The following ADCY2 variants were observed in gnomAD, a reference collection of about 807,000 sequenced individuals.
ADCY2 encodes the protein adenylate cyclase 2.
Under a neutral mutation model 125.2 loss-of-function variants are expected in ADCY2, and 31 were observed. That is an observed-to-expected ratio of 0.25 (90% CI 0.19 to 0.33). ADCY2 has a LOEUF of 0.33. Among genes scored for constraint, ADCY2 ranks in the 10% least tolerant of loss-of-function variants. The pLI is 1.00. For missense variants in ADCY2, 904 were observed against 1,418.2 expected (o/e 0.64, Z 5.82); for synonymous variants, 512 against 548.4 (o/e 0.93, Z 0.93).
chr5:7,776,193 TAA>T (rs11332766), intron 18 of ADCY2, among the ~76,000 whole-genome samples: 3,052 of 91,562 alleles, frequency 0.033, 45 homozygotes, highest in Admixed American at 0.057. Flanking sequence ...GTGAGATCCT[TAA>T]AAAAAAAAAA....
intron 3 of ADCY2, among the ~76,000 whole-genome samples, chr5:7,563,587 A>G (rs918872802): frequency 2.0e-5 from 3 of 152,184 alleles, no homozygotes; most frequent in African/African-American, 4.8e-5. Flanking sequence ...GTGGAACTTC[A>G]TATATAGAGC....
intron 3 of ADCY2, among the ~76,000 whole-genome samples, chr5:7,584,918 G>A (rs1281824539): frequency 6.6e-6 from 1 of 152,116 alleles, no homozygotes; most frequent in Non-Finnish European, 1.5e-5. Context: ...AAGTGATGCA[G>A]AGATGAAATA....
At chr5:7,499,842 C>T (rs953079925) in intron 2 of ADCY2, among the ~76,000 whole-genome samples, 1 of 151,558 alleles carries the variant, frequency 6.6e-6, no homozygotes, top group East Asian at 1.9e-4. Flanking sequence ...ATTATATACA[C>T]AGTAAAATTA....
At chr5:7,647,905 A>G (rs1484913082) in intron 4 of ADCY2, among the ~76,000 whole-genome samples, 1 of 152,222 alleles carries the variant, frequency 6.6e-6, no homozygotes, top group African/African-American at 2.4e-5. Flanking sequence ...AAAGCAAAAG[A>G]ACAAATAAGC....
intron 5 of ADCY2, chr5:7,691,077 C>A (rs1005860263): frequency 2.4e-5 from 8 of 337,340 alleles, no homozygotes; most frequent in Admixed American, 5.0e-5. Flanking sequence ...TCCTTCATAG[C>A]CCTGGCTTCT....
chr5:7,433,360 T>A (rs755822890), intron 2 of ADCY2, among the ~76,000 whole-genome samples: 1 of 152,162 alleles, frequency 6.6e-6, no homozygotes, highest in Non-Finnish European at 1.5e-5. Flanking sequence ...TGCTGAGTTT[T>A]AAAAAAATTC....
rs534103233 is a variant in ADCY2 at position 7,734,960 on chromosome 5, A to G, written c.1871+7699A>G. Among the ~76,000 whole-genome samples, 7 of 152,308 alleles carry G rather than the reference A, an allele frequency of 4.6e-5. No individual in the cohort carries two copies. In the East Asian group the frequency reaches 5.8e-4, roughly 13 times the overall value. On this transcript the variant is annotated intron_variant, in intron 14 of 24. Coordinates refer to ENST00000338316, the MANE Select transcript of ADCY2 (RefSeq NM_020546.3). Reference sequence around the variant, plus strand: ...GCAGAAAGAAATAGTTCTGCAGCCAATTCTCATAAGGGCACTAATGCCATT... The same window carrying G: ...GCAGAAAGAAATAGTTCTGCAGCCAGTTCTCATAAGGGCACTAATGCCATT...
chr5:7,593,939 T>C (rs1736926506), intron 3 of ADCY2, among the ~76,000 whole-genome samples: 1 of 152,100 alleles, frequency 6.6e-6, no homozygotes. Flanking sequence ...GATACTTGGG[T>C]TAAGAGAACT....
chr5:7,481,412 G>A (rs564246923), intron 2 of ADCY2, among the ~76,000 whole-genome samples: 49 of 152,156 alleles, frequency 3.2e-4, no homozygotes, highest in African/African-American at 9.9e-4. Context: ...GACTACAGGC[G>A]CCTGCCACCA....
At chr5:7,656,654 A>C (rs1427191317) in intron 4 of ADCY2, among the ~76,000 whole-genome samples, 2 of 152,222 alleles carry the variant, frequency 1.3e-5, no homozygotes, top group Non-Finnish European at 2.9e-5. Flanking sequence ...ACCAGAGTAC[A>C]GAATTCTATA....
At chr5:7,579,321 T>G (rs961453121) in intron 3 of ADCY2, among the ~76,000 whole-genome samples, 1 of 152,084 alleles carries the variant, frequency 6.6e-6, no homozygotes, top group South Asian at 2.1e-4. Flanking sequence ...TGGATAAAAT[T>G]TTAAAAAGGA....
chr5:7,807,120 G>A (rs1744781289), intron 22 of ADCY2, among the ~76,000 whole-genome samples: 2 of 152,048 alleles, frequency 1.3e-5, no homozygotes, highest in South Asian at 2.1e-4. Flanking sequence ...GAGATCTTCC[G>A]AGGCACCACC....
At chr5:7,782,444 G>A (rs947310968) in intron 18 of ADCY2, among the ~76,000 whole-genome samples, 1 of 152,212 alleles carries the variant, frequency 6.6e-6, no homozygotes, top group African/African-American at 2.4e-5. Flanking sequence ...GTCAGTGAGA[G>A]GGACCTAAGC....
At chr5:7,405,230 T>C (rs772559511) in intron 1 of ADCY2, among the ~76,000 whole-genome samples, 2 of 152,070 alleles carry the variant, frequency 1.3e-5, no homozygotes, top group Non-Finnish European at 2.9e-5. Flanking sequence ...CAAACTTTCA[T>C]ATGCCTGGAA....
At chr5:7,751,312 G>T (rs1742807728) in intron 15 of ADCY2, among the ~76,000 whole-genome samples, 1 of 152,022 alleles carries the variant, frequency 6.6e-6, no homozygotes, top group African/African-American at 2.4e-5. Flanking sequence ...AGATCTCGTG[G>T]TGCTAATTCG....
intron 2 of ADCY2, among the ~76,000 whole-genome samples, chr5:7,466,839 A>C (rs868156715): frequency 1.3e-5 from 2 of 152,194 alleles, no homozygotes; most frequent in Non-Finnish European, 2.9e-5. Context: ...CAGCATTCTC[A>C]TGGAGGACTT....
At chr5:7,764,554 G>A (rs564315769) in intron 16 of ADCY2, among the ~76,000 whole-genome samples, 16 of 152,236 alleles carry the variant, frequency 1.1e-4, no homozygotes, top group Middle Eastern at 3.4e-3. Flanking sequence ...AATGTGATTC[G>A]AAAAATGTAA....
At chr5:7,455,678 A>G (rs1229271482) in intron 2 of ADCY2, among the ~76,000 whole-genome samples, 1 of 147,272 alleles carries the variant, frequency 6.8e-6, no homozygotes, top group Non-Finnish European at 1.5e-5. Context: ...ATTATAATAC[A>G]TACATTTTGT....
chr5:7,690,618 G>A, intron 4 of ADCY2, 73 bp from the exon 5 acceptor site: 1 of 1,322,290 alleles, frequency 7.6e-7, no homozygotes, highest in Non-Finnish European at 9.8e-7. Context: ...AATCAGTGAG[G>A]ATCTCCAATG....
Sources: allele counts gnomAD v4.1 joint callset (sites outside exome capture counted in the v4.1 genomes callset), GRCh38; gene constraint gnomAD v4.1.1; transcripts MANE v1.5; gene names NCBI Gene and HGNC (gene_info 2026-07-23, HGNC 2026-07-21).